TPH2: variants seen among roughly 807,000 people sequenced by gnomAD.
TPH2 encodes tryptophan hydroxylase 2, also known as tryptophan 5-hydroxylase 2.
In TPH2, 27 loss-of-function variants were observed where a neutral mutation model predicts 59.1. The ratio of observed to expected loss-of-function variants is 0.46; its 90% CI spans 0.34 to 0.63. TPH2 has a LOEUF of 0.63. TPH2 is among the 30% of genes least tolerant of loss of function. The pLI, the probability that TPH2 is intolerant of heterozygous loss-of-function variation, is 0.01. For missense variants in TPH2, 523 were observed against 588.3 expected, an observed-to-expected ratio of 0.89 and a Z score of 1.15; for synonymous variants, 220 against 210.5, an observed-to-expected ratio of 1.05 and a Z score of -0.39.
chr12:71,979,472 G>A (rs148097066), intron 7 of TPH2, among the ~76,000 whole-genome samples: 1 of 152,180 alleles, frequency 6.6e-6, no homozygotes, highest in African/African-American at 2.4e-5. Flanking sequence ...ACACACCATA[G>A]CAACTCATTA....
intron 8 of TPH2, among the ~76,000 whole-genome samples, chr12:72,000,824 G>A (rs1278014412): frequency 6.6e-6 from 1 of 152,078 alleles, no homozygotes; most frequent in East Asian, 1.9e-4. Context: ...ATCCTCTTCT[G>A]TCTGCTGTTT....
At chr12:71,985,091 G>A (rs917022822) in intron 7 of TPH2, among the ~76,000 whole-genome samples, 6 of 152,124 alleles carry the variant, frequency 3.9e-5, no homozygotes, top group African/African-American at 1.4e-4. Flanking sequence ...ATGTATGGAT[G>A]GACTCACCTA....
intron 8 of TPH2, among the ~76,000 whole-genome samples, chr12:72,005,019 A>G (rs2139230736): frequency 1.3e-5 from 2 of 152,304 alleles, no homozygotes; most frequent in Middle Eastern, 3.4e-3. Context: ...TCTTAGAAAT[A>G]TTGCAATTTG....
chr12:71,994,485 C>A lies in TPH2; in HGVS notation c.988C>A (p.Pro330Thr). Residue 330 changes from proline (P) to threonine (T), a missense_variant, in exon 8 of 11, where the codon CCT becomes ACT. Physicochemically the swap from Pro to Thr is conservative, Grantham distance 38. Transcript: ENST00000333850. ...LLGHVPLLAD[P>T]KFAQFSQEIG... ...GGGACATGTTCCACTACTTGCGGAT[C>A]CTAAGTTTGCTCAGTTTTCACAAGA... The A allele has an allele frequency of 6.2e-7, 1 of 1,613,978 alleles. No homozygotes were observed. The highest frequency in any genetic ancestry group is 8.5e-7 in the Non-Finnish European group (1 of 1,179,880).
intron 7 of TPH2, among the ~76,000 whole-genome samples, chr12:71,981,698 A>T (rs1378526802): frequency 6.6e-6 from 1 of 151,970 alleles, no homozygotes; most frequent in Non-Finnish European, 1.5e-5. Flanking sequence ...AGAATATTGG[A>T]GGAGGATCAA....
intron 8 of TPH2, among the ~76,000 whole-genome samples, chr12:72,014,460 G>A (rs1427097950): frequency 3.4e-5 from 5 of 147,444 alleles, no homozygotes; most frequent in Admixed American, 6.9e-5. Context: ...GAGTGATCTC[G>A]GCTCACTGCA....
chr12:71,955,637 T>C (rs1279105906), intron 5 of TPH2, among the ~76,000 whole-genome samples: 1 of 152,210 alleles, frequency 6.6e-6, no homozygotes, highest in Non-Finnish European at 1.5e-5. Context: ...AGTACTACTT[T>C]ATAGGATTGT....
chr12:72,023,824 A>AAAAAAAAAAAG (rs1873494205), intron 9 of TPH2, among the ~76,000 whole-genome samples: 1 of 126,742 alleles, frequency 7.9e-6, no homozygotes, highest in Non-Finnish European at 1.6e-5. Flanking sequence ...TCTGACAGAA[A>AAAAAAAAAAAG]AAAAAAAAAA....
At chr12:72,021,477 T>A (rs1873417595) in intron 8 of TPH2, among the ~76,000 whole-genome samples, 1 of 151,058 alleles carries the variant, frequency 6.6e-6, no homozygotes, top group South Asian at 2.1e-4. Flanking sequence ...TTCATGATGG[T>A]GTGAAAGTGA....
At chr12:71,941,839 T>C (rs1871078669) in intron 2 of TPH2, 106 bp downstream of exon 2, 14 of 1,305,184 alleles carry the variant, frequency 1.1e-5, no homozygotes, top group South Asian at 7.2e-5. Flanking sequence ...GATAATGTGG[T>C]GAAAGATTCA....
intron 8 of TPH2, among the ~76,000 whole-genome samples, chr12:72,006,017 G>A (rs1285528432): frequency 1.3e-5 from 2 of 152,114 alleles, no homozygotes; most frequent in Non-Finnish European, 2.9e-5. Context: ...CATACTGTTA[G>A]GGTGTAAAAG....
At chr12:71,941,783 G>A in intron 2 of TPH2, 50 bp downstream of exon 2, 1 of 1,545,484 alleles carries the variant, frequency 6.5e-7, no homozygotes, top group Non-Finnish European at 8.9e-7. Flanking sequence ...GTGTGCCTGG[G>A]TACAAACCTG....
chr12:72,009,128 C>T (rs988164033), intron 8 of TPH2, among the ~76,000 whole-genome samples: 1 of 152,146 alleles, frequency 6.6e-6, no homozygotes, highest in Non-Finnish European at 1.5e-5. Context: ...GCCAATTGAT[C>T]AGAGCTGAGT....
chr12:71,986,325 G>A (rs151120256), intron 7 of TPH2, among the ~76,000 whole-genome samples: 81 of 152,220 alleles, frequency 5.3e-4, no homozygotes, highest in Middle Eastern at 3.4e-3. Flanking sequence ...ATTCCAGTGC[G>A]TCCTTAGTTA....
intron 5 of TPH2, among the ~76,000 whole-genome samples, chr12:71,960,742 A>G (rs1329625319): frequency 6.6e-6 from 1 of 152,196 alleles, no homozygotes; most frequent in Non-Finnish European, 1.5e-5. Flanking sequence ...GTTGCACCAA[A>G]TTCTAATGTA....
At position 71,972,666 on chromosome 12, in the gene TPH2, C is replaced by G. The variant is rs1403700310; in HGVS notation, c.756C>G (p.Tyr252Ter). 1 of 1,614,160 alleles carries G rather than the reference C, an allele frequency of 6.2e-7. No individual in the cohort carries two copies. The highest frequency in any genetic ancestry group is 1.7e-5 in the Admixed American group (1 of 60,016). The change falls in exon 6 of 11, where the codon TAC becomes TAG. Residue 252 changes from tyrosine to a stop codon, truncating the protein, a stop_gained. Coordinates refer to ENST00000333850, the MANE Select transcript of TPH2 (RefSeq NM_173353.4). LOFTEE classifies it high-confidence loss of function. ...NFPLLTKYCGYREDNVPQLED... is the reference protein window; with the variant it reads ...NFPLLTKYCG Reference sequence around the variant, plus strand: ...CTCTGCTGACTAAATACTGTGGCTACAGAGAGGACAATGTGCCTCAACTCG... The same window carrying G: ...CTCTGCTGACTAAATACTGTGGCTAGAGAGAGGACAATGTGCCTCAACTCG...
chr12:71,979,054 G>C lies in TPH2; in HGVS notation c.908G>C (p.Arg303Pro). Residue 303 changes from arginine (R) to proline (P), a missense_variant, in exon 7 of 11, where the codon CGG (arginine) becomes CCG (proline). Coordinates refer to ENST00000333850, the MANE Select transcript of TPH2 (RefSeq NM_173353.4). Reference sequence around the variant, plus strand: ...GTGTTCCACTGTACCCAGTACATCCGGCATGGCTCAGATCCCCTCTACACC... The same window carrying C: ...GTGTTCCACTGTACCCAGTACATCCCGCATGGCTCAGATCCCCTCTACACC... ...YRVFHCTQYI[R>P]HGSDPLYTPE... The C allele has an allele frequency of 6.2e-7, 1 of 1,614,098 alleles. No homozygotes were observed. The highest frequency in any genetic ancestry group is 8.5e-7 in the Non-Finnish European group (1 of 1,180,002).
At chr12:71,943,780 C>T (rs956197126) in intron 2 of TPH2, among the ~76,000 whole-genome samples, 37 of 151,774 alleles carry the variant, frequency 2.4e-4, no homozygotes, top group African/African-American at 9.0e-4. Context: ...TCCATGCCAC[C>T]TCCCCAATTT....
intron 5 of TPH2, among the ~76,000 whole-genome samples, chr12:71,956,908 C>G (rs944336157): frequency 4.6e-5 from 7 of 152,124 alleles, no homozygotes; most frequent in African/African-American, 1.7e-4. Flanking sequence ...CTGTGGCTGG[C>G]CCCATTTCAT....
Sources: gnomAD v4.1 joint callset for allele counts (sites outside exome capture counted in the v4.1 genomes callset) on GRCh38, gnomAD v4.1.1 for gene constraint, MANE v1.5 for transcripts, NCBI Gene and HGNC (gene_info 2026-07-23, HGNC 2026-07-21) for gene names.